FRMD4B: variants seen among roughly 807,000 people sequenced by gnomAD.
FRMD4B encodes FERM domain containing 4B, also known as FERM domain-containing protein 4B.
Under a neutral mutation model 141.5 loss-of-function variants are expected in FRMD4B, and 74 were observed. The observed-to-expected ratio is 0.52, with a 90% CI of 0.43 to 0.63. The LOEUF (loss-of-function observed/expected upper bound fraction) is 0.63, where lower values mean the gene tolerates loss of function less well. FRMD4B is among the 30% of genes least tolerant of loss of function. The pLI, the probability that FRMD4B is intolerant of heterozygous loss-of-function variation, is 0.00. For synonymous variants in FRMD4B, 506 were observed against 467.9 expected (o/e 1.08, Z -1.05); for missense variants, 1,366 against 1,253.4 (o/e 1.09, Z -1.36).
At chr3:69,479,717 G>C (rs1198131177) in intron 1 of FRMD4B, among the ~76,000 whole-genome samples, 2 of 152,084 alleles carry the variant, frequency 1.3e-5, no homozygotes, top group African/African-American at 2.4e-5. Flanking sequence ...GTATTTTTGT[G>C]GTGTTCTCTG....
chr3:69,470,765 T>A (rs66930736), intron 1 of FRMD4B, among the ~76,000 whole-genome samples: 31,875 of 152,020 alleles, frequency 0.21, 3,668 homozygotes, highest in East Asian at 0.41. Flanking sequence ...TCCTAAGTAC[T>A]TTTTCCCCCT....
At chr3:69,236,860 T>C (rs891458684) in intron 7 of FRMD4B, among the ~76,000 whole-genome samples, 2 of 152,214 alleles carry the variant, frequency 1.3e-5, no homozygotes, top group Non-Finnish European at 2.9e-5. Context: ...AGAGCTCAAG[T>C]TCACTCAATG....
At chr3:69,367,598 A>C (rs193140464) in intron 1 of FRMD4B, among the ~76,000 whole-genome samples, 17 of 146,150 alleles carry the variant, frequency 1.2e-4, no homozygotes, top group African/African-American at 4.5e-4. Context: ...TATCTGGGCC[A>C]ATATTTTTGT....
intron 5 of FRMD4B, among the ~76,000 whole-genome samples, chr3:69,265,062 T>C (rs1453183052): frequency 4.6e-5 from 6 of 131,512 alleles, no homozygotes; most frequent in Non-Finnish European, 9.9e-5. Context: ...GAGACCATCC[T>C]GGCTAACACG....
intron 1 of FRMD4B, among the ~76,000 whole-genome samples, chr3:69,449,309 T>G (rs1253945748): frequency 6.6e-6 from 1 of 152,224 alleles, no homozygotes; most frequent in Non-Finnish European, 1.5e-5. Flanking sequence ...CATGAAGACG[T>G]GCATGATGAC....
chr3:69,491,271 G>A (rs1195895643), intron 1 of FRMD4B, among the ~76,000 whole-genome samples: 2 of 152,314 alleles, frequency 1.3e-5, no homozygotes, highest in African/African-American at 4.8e-5. Flanking sequence ...ATGAAGCATA[G>A]CTTATTGTGG....
At chr3:69,214,557 G>A (rs373276936) in intron 11 of FRMD4B, among the ~76,000 whole-genome samples, 2 of 152,240 alleles carry the variant, frequency 1.3e-5, no homozygotes, top group East Asian at 1.9e-4. Flanking sequence ...ACTTGAGCTT[G>A]GATCAAGAGA....
chr3:69,355,129 C>T (rs1262710242), intron 1 of FRMD4B, among the ~76,000 whole-genome samples: 3 of 152,212 alleles, frequency 2.0e-5, no homozygotes, highest in African/African-American at 7.2e-5. Context: ...AGTGGAGATG[C>T]TGCGCTGTGA....
At chr3:69,419,999 G>A (rs1334803177) in intron 2 of FRMD4B, among the ~76,000 whole-genome samples, 2 of 152,174 alleles carry the variant, frequency 1.3e-5, no homozygotes, top group Admixed American at 1.3e-4. Flanking sequence ...TGGGATTACA[G>A]GCACCCACCA....
At chr3:69,345,081 T>G (rs958930194) in intron 1 of FRMD4B, among the ~76,000 whole-genome samples, 13 of 151,958 alleles carry the variant, frequency 8.6e-5, no homozygotes, top group African/African-American at 2.7e-4. Flanking sequence ...GAATTCCCTT[T>G]CCTAGCAAAG....
chr3:69,245,026 T>C (rs560069179), intron 7 of FRMD4B, among the ~76,000 whole-genome samples: 4 of 152,228 alleles, frequency 2.6e-5, no homozygotes, highest in Admixed American at 1.3e-4. Flanking sequence ...GAGTCCATCA[T>C]GTCCATCAAT....
intron 21 of FRMD4B, among the ~76,000 whole-genome samples, chr3:69,179,730 C>A (rs2092685208): frequency 6.6e-6 from 1 of 152,310 alleles, no homozygotes; most frequent in Non-Finnish European, 1.5e-5. Context: ...TCATGACCTA[C>A]AGGTTTTCTG....
chr3:69,432,398 T>C (rs187092072), intron 2 of FRMD4B, among the ~76,000 whole-genome samples: 1 of 152,332 alleles, frequency 6.6e-6, no homozygotes, highest in Non-Finnish European at 1.5e-5. Flanking sequence ...TCATTCAACT[T>C]TGGGGTGTTT....
Position 69,196,335 on chromosome 3 carries a change from G to C in FRMD4B, c.1154C>G (p.Thr385Arg), listed in dbSNP as rs2092903694. 3 of 1,610,894 alleles carry C rather than the reference G, an allele frequency of 1.9e-6. No homozygotes were observed. Among genetic ancestry groups the C allele is most frequent in the Non-Finnish European group, 2.5e-6 (3 of 1,178,294 alleles). Reference protein sequence around the residue: ...EIAMDLTETGTQRASKLVTLE... With the variant: ...EIAMDLTETGRQRASKLVTLE... Reference sequence around the variant, plus strand: ...TGTCACCAGCTTGGAGGCCCTTTGTGTTCCTGTCTCTGTCAAATCCATTGC... The same window carrying C: ...TGTCACCAGCTTGGAGGCCCTTTGTCTTCCTGTCTCTGTCAAATCCATTGC... Residue 385 changes from threonine (T) to arginine (R), a missense_variant, in exon 14 of 23, where the codon ACA (threonine) becomes AGA (arginine). Coordinates refer to ENST00000398540, the MANE Select transcript of FRMD4B (RefSeq NM_015123.3).
chr3:69,317,879 C>T (rs184062927), intron 1 of FRMD4B, among the ~76,000 whole-genome samples: 53 of 151,950 alleles, frequency 3.5e-4, no homozygotes, highest in Non-Finnish European at 2.9e-5. Flanking sequence ...TTCACTGATC[C>T]GGGTGAATTT....
At chr3:69,176,179 C>T (rs1260158096) in intron 22 of FRMD4B, among the ~76,000 whole-genome samples, 1 of 152,100 alleles carries the variant, frequency 6.6e-6, no homozygotes, top group Non-Finnish European at 1.5e-5. Flanking sequence ...CAATGTAATA[C>T]TGAAGACCAG....
At chr3:69,227,532 G>A (rs1411640923) in intron 7 of FRMD4B, among the ~76,000 whole-genome samples, 1 of 151,902 alleles carries the variant, frequency 6.6e-6, no homozygotes, top group Non-Finnish European at 1.5e-5. Flanking sequence ...TGTGGTGGCA[G>A]ACACCTGTAA....
intron 5 of FRMD4B, among the ~76,000 whole-genome samples, chr3:69,286,160 C>T (rs1244547186): frequency 2.3e-4 from 35 of 152,138 alleles, no homozygotes; most frequent in Non-Finnish European, 2.9e-4. Context: ...AGGAAGTCCT[C>T]CAGGCAGAAA....
At chr3:69,309,727 G>A (rs946936456) in intron 3 of FRMD4B, among the ~76,000 whole-genome samples, 3 of 150,824 alleles carry the variant, frequency 2.0e-5, no homozygotes, top group Non-Finnish European at 4.4e-5. Flanking sequence ...GATTACAAGT[G>A]TGAACTATCA....
Sources: gnomAD v4.1 joint callset for allele counts (sites outside exome capture counted in the v4.1 genomes callset) on GRCh38, gnomAD v4.1.1 for gene constraint, MANE v1.5 for transcripts, NCBI Gene and HGNC (gene_info 2026-07-23, HGNC 2026-07-21) for gene names.